Variants in MON2 observed in about 807,000 individuals in gnomAD.
The protein encoded by MON2 is protein MON2 homolog.
In MON2, 84 loss-of-function variants were observed where a neutral mutation model predicts 208.6. That is an observed-to-expected ratio of 0.40 (90% CI 0.34 to 0.48). The LOEUF (loss-of-function observed/expected upper bound fraction) is 0.48, where lower values mean the gene tolerates loss of function less well. Ranked by LOEUF, MON2 falls within the 20% of genes least tolerant of loss-of-function variation. The pLI, the probability that MON2 is intolerant of heterozygous loss-of-function variation, is 0.59. For missense variants in MON2, 1,611 were observed against 2,015.4 expected, an observed-to-expected ratio of 0.80 and a Z score of 3.84; for synonymous variants, 660 against 694.0, an observed-to-expected ratio of 0.95 and a Z score of 0.77.
At chr12:62,498,813 G>C in intron 4 of MON2, 106 bp from the exon 5 acceptor site, 1 of 1,176,776 alleles carries the variant, frequency 8.5e-7, no homozygotes, top group Middle Eastern at 3.0e-4. Flanking sequence ...TAAATGGTGG[G>C]ACTTTCCATA....
rs778527466 is a variant in MON2 at position 62,565,224 on chromosome 12, T to G, written c.4033-13T>G. On this transcript the variant is annotated splice_polypyrimidine_tract_variant and intron_variant, in intron 26 of 34. Coordinates refer to ENST00000393630, the MANE Select transcript of MON2 (RefSeq NM_015026.3). ...AGATTATGCATTCTAATGTTCTTAT[T>G]TTGCTTTTATAGGCCATTTGTGTAG... 1 of 1,610,106 alleles carries G rather than the reference T, an allele frequency of 6.2e-7. No individual in the cohort carries two copies.
chr12:62,497,995 A>T (rs992836956), intron 4 of MON2, among the ~76,000 whole-genome samples: 6 of 152,136 alleles, frequency 3.9e-5, no homozygotes, highest in Non-Finnish European at 5.9e-5. Context: ...TACCCAAGAT[A>T]AATGAAAACA....
chr12:62,542,727 C>T (rs749459631), intron 19 of MON2, among the ~76,000 whole-genome samples: 15 of 152,128 alleles, frequency 9.9e-5, no homozygotes, highest in African/African-American at 1.7e-4. Context: ...TCTGTTGTCT[C>T]TTTTTCCCTA....
chr12:62,503,698 A>C (rs192233905), intron 7 of MON2, among the ~76,000 whole-genome samples: 1 of 152,144 alleles, frequency 6.6e-6, no homozygotes, highest in Non-Finnish European at 1.5e-5. Flanking sequence ...CCCTTTGGCC[A>C]CACTGTCCTT....
At chr12:62,479,064 A>G (rs1028751065) in intron 1 of MON2, among the ~76,000 whole-genome samples, 3 of 152,178 alleles carry the variant, frequency 2.0e-5, no homozygotes, top group Non-Finnish European at 4.4e-5. Context: ...GGAAATGATA[A>G]CATCTATTTT....
At chr12:62,522,467 A>G (rs762673567) in intron 8 of MON2, among the ~76,000 whole-genome samples, 2 of 152,224 alleles carry the variant, frequency 1.3e-5, no homozygotes, top group African/African-American at 4.8e-5. Context: ...ATAGATATCT[A>G]TGTGATATTG....
rs1469028894 is a variant in MON2 at position 62,547,029 on chromosome 12, C to T, written c.2710C>T (p.Pro904Ser). The T allele has an allele frequency of 1.9e-6, 3 of 1,606,142 alleles. No individual in the cohort carries two copies. The highest frequency in any genetic ancestry group is 2.6e-6 in the Non-Finnish European group (3 of 1,175,400). Residue 904 changes from proline to serine, a missense_variant, in exon 22 of 35, where the codon CCA becomes TCA. Transcript: ENST00000393630. ...GGGAGACAGTCTTGGGCCTGGATGG[C>T]CATTAGTGCTTGGAGTCATGGGAGC... ...SQGDSLGPGW[P>S]LVLGVMGAIR... is the part of the protein sequence containing the mutation.
intron 8 of MON2, 111 bp from the exon 9 acceptor site, chr12:62,524,404 A>G (rs757606277): frequency 2.0e-5 from 16 of 797,892 alleles, no homozygotes; most frequent in Non-Finnish European, 3.1e-5. Context: ...TTGATTTCTA[A>G]TCTAAAAGAT....
chr12:62,538,490 C>T lies in MON2; in HGVS notation c.2349C>T (p.Ala783=). ...TGTCTCTAGAAGCAATGGATATGGC[C>T]TATGGAAATAATAAGGTGTGATATT... The part of the protein sequence containing the change: ...CSLSLEAMDM[A]YGNNKEPSLF... Residue 783 remains alanine, a synonymous_variant, in exon 19 of 35, where the codon GCC becomes GCT. Transcript: ENST00000393630. 6.3e-7 allele frequency: 1 copy of T among 1,599,732 alleles called. No homozygotes were observed. The highest frequency in any genetic ancestry group is 8.6e-7 in the Non-Finnish European group (1 of 1,167,744).
intron 12 of MON2, among the ~76,000 whole-genome samples, chr12:62,533,400 T>C (rs1386573083): frequency 1.3e-5 from 2 of 152,212 alleles, no homozygotes; most frequent in African/African-American, 4.8e-5. Flanking sequence ...CCCTTCTGCA[T>C]TTTTTTATTT....
chr12:62,588,519 G>T (rs967884207), intron 34 of MON2, among the ~76,000 whole-genome samples: 1 of 152,086 alleles, frequency 6.6e-6, no homozygotes, highest in African/African-American at 2.4e-5. Flanking sequence ...TTACTTTGCA[G>T]ATACAAACTG....
At chr12:62,486,157 A>G (rs2069778347) in intron 2 of MON2, among the ~76,000 whole-genome samples, 1 of 152,128 alleles carries the variant, frequency 6.6e-6, no homozygotes, top group African/African-American at 2.4e-5. Flanking sequence ...TAAAATATTT[A>G]CTGTTGCTAA....
chr12:62,488,796 C>T (rs183390897), intron 2 of MON2, among the ~76,000 whole-genome samples: 26 of 151,624 alleles, frequency 1.7e-4, no homozygotes, highest in Non-Finnish European at 2.9e-4. Context: ...TTATATCATT[C>T]GTGTTTTTTG....
At chr12:62,490,363 G>T (rs752703505) in intron 2 of MON2, among the ~76,000 whole-genome samples, 1 of 151,352 alleles carries the variant, frequency 6.6e-6, no homozygotes, top group Admixed American at 6.6e-5. Flanking sequence ...TTTCTGGAAT[G>T]ACATACAAAA....
chr12:62,485,657 T>G (rs945470468), intron 2 of MON2, among the ~76,000 whole-genome samples: 4 of 152,114 alleles, frequency 2.6e-5, no homozygotes, highest in Non-Finnish European at 5.9e-5. Flanking sequence ...AAGGCAGAGG[T>G]GCACATGGTA....
intron 32 of MON2, among the ~76,000 whole-genome samples, chr12:62,582,391 G>T (rs944290169): frequency 6.6e-6 from 1 of 152,150 alleles, no homozygotes; most frequent in Non-Finnish European, 1.5e-5. Flanking sequence ...GAAGCTTCAC[G>T]TGAGAGTCCT....
chr12:62,476,064 G>A (rs556645829), intron 1 of MON2, among the ~76,000 whole-genome samples: 2 of 152,088 alleles, frequency 1.3e-5, no homozygotes, highest in East Asian at 1.9e-4. Flanking sequence ...GGAATACCAT[G>A]TATATATTTT....
intron 19 of MON2, among the ~76,000 whole-genome samples, chr12:62,540,164 A>G (rs2136250089): frequency 6.6e-6 from 1 of 152,288 alleles, no homozygotes; most frequent in Non-Finnish European, 1.5e-5. Context: ...GAATCTATGT[A>G]TTTATTCAAT....
intron 7 of MON2, among the ~76,000 whole-genome samples, chr12:62,506,949 A>G (rs2071133332): frequency 6.6e-6 from 1 of 152,234 alleles, no homozygotes; most frequent in East Asian, 1.9e-4. Context: ...AAATGGGATT[A>G]CTCTTGGCTA....
Sources: allele counts gnomAD v4.1 joint callset (sites outside exome capture counted in the v4.1 genomes callset), GRCh38; gene constraint gnomAD v4.1.1; transcripts MANE v1.5; gene names NCBI Gene and HGNC (gene_info 2026-07-23, HGNC 2026-07-21).